Variants in SHISA9 observed in about 807,000 individuals in gnomAD.
SHISA9 encodes the protein protein shisa-9.
A neutral mutation model predicts 38.0 loss-of-function variants in SHISA9; 13 were observed. That is an observed-to-expected ratio of 0.34 (90% confidence interval 0.22 to 0.54). The LOEUF is 0.54. Among genes scored for constraint, SHISA9 ranks in the 20% least tolerant of loss-of-function variants. The pLI is 0.91. For missense variants in SHISA9, 538 were observed against 575.8 expected, an observed-to-expected ratio of 0.93 and a Z score of 0.67; for synonymous variants, 275 against 242.0, an observed-to-expected ratio of 1.14 and a Z score of -1.27.
At chr16:13,006,991 G>A (rs762095378) in intron 2 of SHISA9, among the ~76,000 whole-genome samples, 2 of 152,122 alleles carry the variant, frequency 1.3e-5, no homozygotes, top group Non-Finnish European at 2.9e-5. Context: ...CATACCTGCT[G>A]CCTCAGGGTC....
At chr16:13,276,506 T>C in the SHISA9 span, among the ~76,000 whole-genome samples, 1 of 152,156 alleles carries the variant, frequency 6.6e-6, no homozygotes, top group South Asian at 2.1e-4. Flanking sequence ...TTTTCCATAG[T>C]GCCTATACTA....
the SHISA9 span, among the ~76,000 whole-genome samples, chr16:13,411,488 A>T: frequency 6.6e-6 from 1 of 152,240 alleles, no homozygotes; most frequent in African/African-American, 2.4e-5. Context: ...CACAAAGAAG[A>T]TGGACTAGCA....
chr16:13,378,629 C>T, the SHISA9 span, among the ~76,000 whole-genome samples: 9 of 152,302 alleles, frequency 5.9e-5, no homozygotes, highest in African/African-American at 1.7e-4. Flanking sequence ...ATGAGGTTCT[C>T]TATAGATTAA....
intron 2 of SHISA9, among the ~76,000 whole-genome samples, chr16:12,956,698 A>G (rs1405981195): frequency 6.6e-6 from 1 of 152,206 alleles, no homozygotes; most frequent in Non-Finnish European, 1.5e-5. Context: ...TAAAGATGGC[A>G]ATAATAGACA....
chr16:12,998,349 G>A (rs2072484170), intron 2 of SHISA9, among the ~76,000 whole-genome samples: 1 of 152,188 alleles, frequency 6.6e-6, no homozygotes, highest in Non-Finnish European at 1.5e-5. Context: ...GCACTTTGAG[G>A]CAGGTGTTCT....
At chr16:12,995,726 A>G (rs766457253) in intron 2 of SHISA9, among the ~76,000 whole-genome samples, 5 of 152,196 alleles carry the variant, frequency 3.3e-5, no homozygotes, top group Non-Finnish European at 5.9e-5. Context: ...GTTTGCATTC[A>G]TTTCTAGGTA....
At position 13,213,730 on chromosome 16, in the gene SHISA9, T is replaced by G. The variant is rs2051141888; in HGVS notation, c.895+430T>G. ...CCAAGGGTCTTGGGAATGACTAGCC[T>G]TTTAGAGAACAGAATGCTATTTTCA... is the stretch of plus-strand genomic sequence containing the variant. On this transcript the variant is annotated intron_variant, in intron 4 of 4. Transcript: ENST00000558583. Among the ~76,000 whole-genome samples the G allele has an allele frequency of 3.9e-5, 6 of 152,124 alleles. No homozygotes were observed. In the South Asian group the frequency reaches 1.2e-3, roughly 32 times the overall value.
intron 4 of SHISA9, among the ~76,000 whole-genome samples, chr16:13,224,938 C>T (rs990624915): frequency 6.6e-6 from 1 of 152,086 alleles, no homozygotes; most frequent in Non-Finnish European, 1.5e-5. Context: ...TGGAATAGTA[C>T]CCCCCTAAAT....
At chr16:13,096,512 A>G (rs527468500) in intron 2 of SHISA9, among the ~76,000 whole-genome samples, 1 of 152,136 alleles carries the variant, frequency 6.6e-6, no homozygotes, top group Non-Finnish European at 1.5e-5. Flanking sequence ...CTGATGCAAG[A>G]CTCATGCTGA....
At chr16:13,198,374 A>C (rs1361869128) in intron 2 of SHISA9, among the ~76,000 whole-genome samples, 1 of 151,510 alleles carries the variant, frequency 6.6e-6, no homozygotes, top group Non-Finnish European at 1.5e-5. Context: ...GTGTATGTAC[A>C]TATGCATACA....
At chr16:13,165,961 A>G (rs2050631856) in intron 2 of SHISA9, among the ~76,000 whole-genome samples, 1 of 152,190 alleles carries the variant, frequency 6.6e-6, no homozygotes. Context: ...AATGACAGGT[A>G]TTATCAGCCC....
the SHISA9 span, among the ~76,000 whole-genome samples, chr16:13,309,624 CAGAG>C: frequency 1.9e-4 from 24 of 124,382 alleles, no homozygotes; most frequent in African/African-American, 6.8e-4. Context: ...GCCTGGGTGA[CAGAG>C]AGAGACTCAG....
the SHISA9 span, among the ~76,000 whole-genome samples, chr16:13,398,115 T>A: frequency 6.6e-6 from 1 of 152,150 alleles, no homozygotes; most frequent in Non-Finnish European, 1.5e-5. Context: ...GTCCAGCCGC[T>A]TGTGTCTCTG....
At chr16:12,989,171 G>T (rs1417014450) in intron 2 of SHISA9, among the ~76,000 whole-genome samples, 1 of 152,044 alleles carries the variant, frequency 6.6e-6, no homozygotes, top group Non-Finnish European at 1.5e-5. Context: ...ACCACCTAAA[G>T]ATAATGACAA....
At chr16:13,186,485 A>G (rs919076609) in intron 2 of SHISA9, among the ~76,000 whole-genome samples, 6 of 151,702 alleles carry the variant, frequency 4.0e-5, no homozygotes, top group African/African-American at 1.5e-4. Flanking sequence ...TTTAGTAGAG[A>G]TGGGATTTCA....
At chr16:13,119,247 G>A (rs998870078) in intron 2 of SHISA9, among the ~76,000 whole-genome samples, 1 of 152,210 alleles carries the variant, frequency 6.6e-6, no homozygotes, top group Non-Finnish European at 1.5e-5. Flanking sequence ...ACCAGATGCT[G>A]GAAGAAGGGA....
chr16:13,521,928 A>G, the SHISA9 span, among the ~76,000 whole-genome samples: 1 of 152,190 alleles, frequency 6.6e-6, no homozygotes, highest in African/African-American at 2.4e-5. Context: ...GCTCCTCCTG[A>G]AGTTAACTTC....
At chr16:13,058,877 T>C (rs2073341035) in intron 2 of SHISA9, among the ~76,000 whole-genome samples, 1 of 151,860 alleles carries the variant, frequency 6.6e-6, no homozygotes, top group East Asian at 1.9e-4. Context: ...AACCAATAGC[T>C]CAGCAAGGGG....
chr16:13,460,724 T>G, the SHISA9 span, among the ~76,000 whole-genome samples: 2 of 152,210 alleles, frequency 1.3e-5, no homozygotes, highest in African/African-American at 4.8e-5. Context: ...AGCCCAAGGT[T>G]AGTGAGATTC....
Sources: gnomAD v4.1 joint callset for allele counts (sites outside exome capture counted in the v4.1 genomes callset) on GRCh38, gnomAD v4.1.1 for gene constraint, MANE v1.5 for transcripts, NCBI Gene and HGNC (gene_info 2026-07-23, HGNC 2026-07-21) for gene names.